The following THNSL1 variants were observed in gnomAD, a reference collection of about 807,000 sequenced individuals.
THNSL1 encodes the protein threonine synthase like 1.
In THNSL1, 48 loss-of-function variants were observed where a neutral mutation model predicts 50.4. The ratio of observed to expected loss-of-function variants is 0.95; its 90% CI spans 0.76 to 1.21. The LOEUF is 1.21. THNSL1 is among the 50% of genes most tolerant of loss of function. THNSL1 has a pLI of 0.00. For missense variants in THNSL1, 896 were observed against 871.7 expected (o/e 1.03, Z -0.35); for synonymous variants, 309 against 306.1 (o/e 1.01, Z -0.10).
At chr10:25,014,983 A>C (rs1850532619), upstream of THNSL1, among the ~76,000 whole-genome samples, 1 of 152,196 alleles carries the variant, frequency 6.6e-6, no homozygotes, top group African/African-American at 2.4e-5. Context: ...TCACAAAGAC[A>C]ATTAATTGCT....
the THNSL1 span, among the ~76,000 whole-genome samples, chr10:24,955,800 G>C: frequency 6.6e-6 from 1 of 152,014 alleles, no homozygotes; most frequent in Non-Finnish European, 1.5e-5. Context: ...TAAAAACTTA[G>C]CCAGGTGTGG....
chr10:24,970,338 C>A, the THNSL1 span, among the ~76,000 whole-genome samples: 1 of 152,120 alleles, frequency 6.6e-6, no homozygotes, highest in African/African-American at 2.4e-5. Flanking sequence ...ATCCAACTGA[C>A]TGCATATTTA....
rs1409503885 is a variant in THNSL1, at chr10:25,024,350, T to C, written c.1127T>C (p.Val376Ala). The C allele has an allele frequency of 1.2e-6, 2 of 1,614,046 alleles. No homozygotes were observed. Among genetic ancestry groups the C allele is most frequent in the African/African-American group, 1.3e-5 (1 of 74,946 alleles). The change falls in exon 3 of 3, where the codon GTA becomes GCA. Residue 376 changes from valine (V) to alanine (A), a missense_variant. Val to Ala is a moderately conservative substitution (Grantham distance 64). Transcript: ENST00000376356. Reference sequence around the variant, plus strand: ...CCAAGTTGCAATTATATGATACTTGTAGCTACTTCAGGAGACACAGGGAGT... The same window carrying C: ...CCAAGTTGCAATTATATGATACTTGCAGCTACTTCAGGAGACACAGGGAGT... ...IPPSCNYMIL[V>A]ATSGDTGSAV...
At chr10:25,007,987 A>C in the THNSL1 span, among the ~76,000 whole-genome samples, 1 of 148,290 alleles carries the variant, frequency 6.7e-6, no homozygotes, top group African/African-American at 2.4e-5. Context: ...ATATATGTAT[A>C]TATAATATAT....
At chr10:24,999,952 C>T in the THNSL1 span, among the ~76,000 whole-genome samples, 2 of 152,072 alleles carry the variant, frequency 1.3e-5, no homozygotes, top group African/African-American at 4.8e-5. Flanking sequence ...TTCATGTTTT[C>T]CATTTCAATG....
rs753535559 is a variant in THNSL1 at position 25,023,851 on chromosome 10, G to A, written c.628G>A (p.Glu210Lys). Residue 210 changes from glutamate (E) to lysine (K), a missense_variant, in exon 3 of 3, where the codon GAG becomes AAG. Transcript: ENST00000376356. ...TTTCTGTGAAAGTGGGGCTTCCCCA[G>A]AGGAGGTAGCTGACAAAGTGCTGAA... ...RVFCESGASP[E>K]EVADKVLNAI... is the part of the protein sequence containing the mutation. 4.3e-6 allele frequency: 7 copies of A among 1,614,100 alleles called. No homozygotes were observed. In the East Asian group the frequency reaches 1.1e-4, roughly 26 times the overall value.
chr10:24,965,723 T>C, the THNSL1 span, among the ~76,000 whole-genome samples: 3 of 152,250 alleles, frequency 2.0e-5, no homozygotes, highest in Non-Finnish European at 2.9e-5. Flanking sequence ...ACTTTCCTCT[T>C]GATTTTTCTT....
rs1850814184 is a variant in THNSL1 at position 25,024,883 on chromosome 10, A to G, written c.1660A>G (p.Arg554Gly). ...AACAGGACATTATGATCTAAGGGAAAGAAAACTAGCACAAACCTTTTCACC... is the reference window on the plus strand; with the variant it reads ...AACAGGACATTATGATCTAAGGGAAGGAAAACTAGCACAAACCTTTTCACC... ...IKTGHYDLRERKLAQTFSPSI... is the reference protein window; with the variant it reads ...IKTGHYDLREGKLAQTFSPSI... The change falls in exon 3 of 3, where the codon AGA (arginine) becomes GGA (glycine). Residue 554 changes from arginine (R) to glycine (G), a missense_variant. Physicochemically the swap from Arg to Gly is moderately radical, Grantham distance 125. Transcript: ENST00000376356. 1 of 1,614,052 alleles carries G rather than the reference A, an allele frequency of 6.2e-7. No individual in the cohort carries two copies. Among genetic ancestry groups the G allele is most frequent in the Non-Finnish European group, 8.5e-7 (1 of 1,180,036 alleles).
At chr10:25,015,710 C>A, upstream of THNSL1, 1 of 695,870 alleles carries the variant, frequency 1.4e-6, no homozygotes, top group Non-Finnish European at 2.1e-6. Context: ...ATATTTCGAC[C>A]TTTTCTCTAA....
upstream of THNSL1, chr10:25,015,710 C>G (rs1298341497): frequency 4.3e-6 from 3 of 695,752 alleles, no homozygotes; most frequent in Non-Finnish European, 6.3e-6. Flanking sequence ...ATATTTCGAC[C>G]TTTTCTCTAA....
Position 25,023,487 on chromosome 10 carries a change from T to C in THNSL1, c.264T>C (p.Asp88=). 3 of 1,614,084 alleles carry C rather than the reference T, an allele frequency of 1.9e-6. No homozygotes were observed. The highest frequency in any genetic ancestry group is 2.5e-6 in the Non-Finnish European group (3 of 1,179,980). The change falls in exon 3 of 3, where the codon GAT becomes GAC. Residue 88 remains aspartate, a synonymous_variant. Transcript: ENST00000376356. Reference sequence around the variant, plus strand: ...GTTGTTGTGTCATAGATGTGGATGATGATATCCTTGAAAAAACCTGGAATA... The same window carrying C: ...GTTGTTGTGTCATAGATGTGGATGACGATATCCTTGAAAAAACCTGGAATA... ...KLGCCVIDVD[D]DILEKTWNMS...
chr10:25,018,662 T>TTTTTTTTTTTTTTTTTTTTTTTTTG (rs1564347092), intron 1 of THNSL1, among the ~76,000 whole-genome samples: 1 of 129,700 alleles, frequency 7.7e-6, no homozygotes. Flanking sequence ...GAGAGTTGTT[T>TTTTTTTTTTTTTTTTTTTTTTTTTG]TTTTTTTTTT....
chr10:24,987,309 C>T, the THNSL1 span, among the ~76,000 whole-genome samples: 2 of 152,046 alleles, frequency 1.3e-5, no homozygotes, highest in East Asian at 1.9e-4. Context: ...CTTGTTGGTT[C>T]CCTTAACCCT....
the THNSL1 span, among the ~76,000 whole-genome samples, chr10:24,998,357 TCCTCTCTC>T: frequency 9.2e-5 from 8 of 87,426 alleles, 1 homozygote; most frequent in Admixed American, 1.0e-3. Flanking sequence ...CTTCCTTCCT[TCCTCTCTC>T]TCTCTCTCTC....
chr10:25,011,462 G>A, the THNSL1 span, among the ~76,000 whole-genome samples: 6 of 152,130 alleles, frequency 3.9e-5, no homozygotes, highest in Admixed American at 3.3e-4. Context: ...ATACAAACCT[G>A]AGAAAAACAA....
chr10:24,993,555 A>T, the THNSL1 span, among the ~76,000 whole-genome samples: 1 of 152,208 alleles, frequency 6.6e-6, no homozygotes, highest in East Asian at 1.9e-4. Flanking sequence ...CTGAAATGGG[A>T]GTTCACTCAT....
chr10:25,009,223 T>G, the THNSL1 span, among the ~76,000 whole-genome samples: 1 of 152,034 alleles, frequency 6.6e-6, no homozygotes, highest in East Asian at 1.9e-4. Flanking sequence ...ACCTGCACAT[T>G]GTGCATATGT....
intron 1 of THNSL1, among the ~76,000 whole-genome samples, chr10:25,019,627 A>G (rs949081001): frequency 3.3e-5 from 5 of 152,256 alleles, no homozygotes; most frequent in Non-Finnish European, 5.9e-5. Context: ...TGCACAGGTT[A>G]TATGCAAATA....
chr10:24,958,912 T>C, the THNSL1 span, among the ~76,000 whole-genome samples: 16 of 152,212 alleles, frequency 1.1e-4, no homozygotes, highest in African/African-American at 3.9e-4. Context: ...TCCAGATCTC[T>C]GAGTCCTGGC....
Sources: allele counts gnomAD v4.1 joint callset (sites outside exome capture counted in the v4.1 genomes callset), GRCh38; gene constraint gnomAD v4.1.1; transcripts MANE v1.5; gene names NCBI Gene and HGNC (gene_info 2026-07-23, HGNC 2026-07-21).